The following HS3ST3A1 variants were observed in gnomAD, a reference collection of about 807,000 sequenced individuals.
HS3ST3A1 encodes the protein heparan sulfate-glucosamine 3-sulfotransferase 3A1.
A neutral mutation model predicts 25.7 loss-of-function variants in HS3ST3A1; 19 were observed. The observed-to-expected ratio is 0.74, with a 90% confidence interval of 0.52 to 1.08. HS3ST3A1 has a LOEUF of 1.08. Ranked by LOEUF, HS3ST3A1 falls within the 50% of genes least tolerant of loss-of-function variation. The pLI is 0.00. For synonymous variants in HS3ST3A1, 226 were observed against 278.6 expected, an observed-to-expected ratio of 0.81 and a Z score of 1.88; for missense variants, 459 against 594.3, an observed-to-expected ratio of 0.77 and a Z score of 2.37.
intron 1 of HS3ST3A1, among the ~76,000 whole-genome samples, chr17:13,535,730 T>C (rs1381692869): frequency 2.0e-5 from 3 of 152,202 alleles, no homozygotes; most frequent in Non-Finnish European, 4.4e-5. Context: ...CCAAATCAGC[T>C]TCTCCCTCTT....
intron 1 of HS3ST3A1, among the ~76,000 whole-genome samples, chr17:13,512,004 A>C (rs1023988526): frequency 2.0e-5 from 3 of 152,234 alleles, no homozygotes; most frequent in Non-Finnish European, 4.4e-5. Context: ...TTGCACTTCA[A>C]AAATCCTTTA....
At chr17:13,517,755 G>T (rs560331864) in intron 1 of HS3ST3A1, among the ~76,000 whole-genome samples, 2 of 152,060 alleles carry the variant, frequency 1.3e-5, no homozygotes, top group African/African-American at 2.4e-5. Context: ...AGGTTCAAGC[G>T]ATTCTCCTGC....
rs1905556954 is a variant in HS3ST3A1, at chr17:13,503,529, ACT to A, written c.600-6713_600-6712del. 1.3e-5 allele frequency among the ~76,000 whole-genome samples: 2 copies of A among 152,178 alleles called. 1 individual carries two copies. The highest frequency in any genetic ancestry group is 4.8e-5 in the African/African-American group (2 of 41,452). On this transcript the variant is annotated intron_variant, in intron 1 of 1. Coordinates refer to ENST00000284110, the MANE Select transcript of HS3ST3A1 (RefSeq NM_006042.3). Reference sequence around the variant, plus strand: ...TACATTGTATATATATTGAAATATCACTCTGTGTCCCGTAAGTATGTATAATT... The same window carrying A: ...TACATTGTATATATATTGAAATATCACTGTGTCCCGTAAGTATGTATAATT...
chr17:13,578,562 C>CAA (rs536270780), intron 1 of HS3ST3A1, among the ~76,000 whole-genome samples: 8 of 85,810 alleles, frequency 9.3e-5, no homozygotes, highest in African/African-American at 2.1e-4. Flanking sequence ...GACTCCATCT[C>CAA]AAAAAAAAAA....
chr17:13,593,252 A>AAAAAAAAAAAAAAAG (rs1567632567), intron 1 of HS3ST3A1, among the ~76,000 whole-genome samples: 24 of 151,162 alleles, frequency 1.6e-4, no homozygotes, highest in African/African-American at 5.6e-4. Flanking sequence ...AAAAAAAAAA[A>AAAAAAAAAAAAAAAG]AGTCATACGC....
At chr17:13,581,392 G>A (rs8079344) in intron 1 of HS3ST3A1, among the ~76,000 whole-genome samples, 60 of 151,244 alleles carry the variant, frequency 4.0e-4, no homozygotes, top group African/African-American at 1.3e-3. Flanking sequence ...ACTTGAACCC[G>A]GGAGAGAGAG....
At chr17:13,541,819 G>A (rs993096060) in intron 1 of HS3ST3A1, among the ~76,000 whole-genome samples, 2 of 152,132 alleles carry the variant, frequency 1.3e-5, no homozygotes, top group Non-Finnish European at 2.9e-5. Flanking sequence ...AGTTCAGATG[G>A]TTCACACACC....
At chr17:13,595,985 C>G (rs1908565352) in intron 1 of HS3ST3A1, among the ~76,000 whole-genome samples, 1 of 152,114 alleles carries the variant, frequency 6.6e-6, no homozygotes, top group Admixed American at 6.5e-5. Flanking sequence ...TATTTCATTC[C>G]CATGACCCTG....
intron 1 of HS3ST3A1, among the ~76,000 whole-genome samples, chr17:13,535,872 T>C (rs894013492): frequency 6.6e-6 from 1 of 152,144 alleles, no homozygotes; most frequent in Non-Finnish European, 1.5e-5. Flanking sequence ...TACTGACCCA[T>C]TGGCTACCCT....
chr17:13,520,136 C>G (rs752254378), intron 1 of HS3ST3A1, among the ~76,000 whole-genome samples: 6 of 152,178 alleles, frequency 3.9e-5, no homozygotes, highest in Non-Finnish European at 8.8e-5. Flanking sequence ...CACCTCCCTA[C>G]ATCTATCCTC....
intron 1 of HS3ST3A1, among the ~76,000 whole-genome samples, chr17:13,556,694 A>C (rs1040422113): frequency 6.6e-6 from 1 of 150,990 alleles, no homozygotes; most frequent in Non-Finnish European, 1.5e-5. Flanking sequence ...TCTACTAAAA[A>C]TACAAAAATT....
intron 1 of HS3ST3A1, among the ~76,000 whole-genome samples, chr17:13,517,826 T>C (rs1016326812): frequency 1.6e-4 from 24 of 152,248 alleles, no homozygotes; most frequent in Admixed American, 7.8e-4. Flanking sequence ...TAATTTTCAG[T>C]AGAGACAGGG....
At chr17:13,561,263 T>G (rs1000058307) in intron 1 of HS3ST3A1, among the ~76,000 whole-genome samples, 5 of 152,150 alleles carry the variant, frequency 3.3e-5, no homozygotes, top group African/African-American at 4.8e-5. Context: ...TATGGCTGTG[T>G]ATTCTTGTCC....
intron 1 of HS3ST3A1, among the ~76,000 whole-genome samples, chr17:13,524,877 A>G (rs1286902700): frequency 6.6e-6 from 1 of 152,206 alleles, no homozygotes; most frequent in Non-Finnish European, 1.5e-5. Context: ...TTCATGTCAT[A>G]TATTTTGATG....
At chr17:13,513,572 A>C (rs2142309891) in intron 1 of HS3ST3A1, among the ~76,000 whole-genome samples, 1 of 152,342 alleles carries the variant, frequency 6.6e-6, no homozygotes, top group South Asian at 2.1e-4. Flanking sequence ...TTATGTTAAT[A>C]ACTTATTTAT....
At chr17:13,501,478 T>A (rs1225646338) in intron 1 of HS3ST3A1, among the ~76,000 whole-genome samples, 1 of 48,232 alleles carries the variant, frequency 2.1e-5, no homozygotes, top group Non-Finnish European at 3.4e-5. Flanking sequence ...TAATTAAACA[T>A]TACAAGGTAC....
At chr17:13,522,847 C>G (rs146725734) in intron 1 of HS3ST3A1, among the ~76,000 whole-genome samples, 14 of 133,236 alleles carry the variant, frequency 1.1e-4, no homozygotes, top group South Asian at 2.4e-4. Flanking sequence ...CACACACACA[C>G]AGAGAGACAC....
chr17:13,585,436 G>A (rs1908232458), intron 1 of HS3ST3A1, among the ~76,000 whole-genome samples: 1 of 151,134 alleles, frequency 6.6e-6, no homozygotes, highest in Non-Finnish European at 1.5e-5. Flanking sequence ...CTGACCTCAG[G>A]TGATCCACCC....
intron 1 of HS3ST3A1, among the ~76,000 whole-genome samples, chr17:13,600,200 T>G (rs1322562021): frequency 1.3e-5 from 2 of 149,396 alleles, no homozygotes; most frequent in Non-Finnish European, 2.9e-5. Context: ...TGAACAGGTT[T>G]CTAATTTAGA....
Sources: gnomAD v4.1 joint callset for allele counts (sites outside exome capture counted in the v4.1 genomes callset) on GRCh38, gnomAD v4.1.1 for gene constraint, MANE v1.5 for transcripts, NCBI Gene and HGNC (gene_info 2026-07-23, HGNC 2026-07-21) for gene names.